STK3: variants seen among roughly 807,000 people sequenced by gnomAD.
STK3 encodes the protein serine/threonine-protein kinase 3.
In STK3, 41 loss-of-function variants were observed where a neutral mutation model predicts 58.0. The observed-to-expected ratio is 0.71, with a 90% confidence interval of 0.55 to 0.92. The LOEUF (loss-of-function observed/expected upper bound fraction) is 0.92, where lower values mean the gene tolerates loss of function less well. Among genes scored for constraint, STK3 ranks in the 40% least tolerant of loss-of-function variants. STK3 has a pLI of 0.00. For missense variants in STK3, 479 were observed against 602.7 expected (o/e 0.79, Z 2.15); for synonymous variants, 170 against 191.0 (o/e 0.89, Z 0.91).
chr8:98,893,462 GAAAGAAAGAAAGAA>G (rs1184712578), intron 1 of STK3, among the ~76,000 whole-genome samples: 8 of 89,864 alleles, frequency 8.9e-5, no homozygotes, highest in African/African-American at 4.1e-4. Context: ...AAGAAAGAAA[GAAAGAAAGAAAGAA>G]AGAAAGAAAG....
At chr8:98,717,641 C>T (rs1360079473) in intron 4 of STK3, among the ~76,000 whole-genome samples, 1 of 151,796 alleles carries the variant, frequency 6.6e-6, no homozygotes, top group Non-Finnish European at 1.5e-5. Flanking sequence ...ATAAAATTAC[C>T]TTTTGACCCA....
At chr8:98,779,494 A>C (rs1480066049) in intron 1 of STK3, among the ~76,000 whole-genome samples, 1 of 152,232 alleles carries the variant, frequency 6.6e-6, no homozygotes, top group Non-Finnish European at 1.5e-5. Context: ...CTGATGGTTC[A>C]ATGTATGCAA....
chr8:98,387,955 C>A (rs563736251), intron 1 of STK3, among the ~76,000 whole-genome samples: 2 of 149,724 alleles, frequency 1.3e-5, no homozygotes, highest in South Asian at 2.1e-4. Flanking sequence ...AAGACTATGG[C>A]AATCACAACA....
chr8:98,774,723 T>C lies in STK3; in HGVS notation c.107+16A>G, dbSNP rs764137039. On this transcript the variant is annotated intron_variant, in intron 2 of 10. Transcript: ENST00000419617. ...TTCTGAAATTATTTACATGCTTTCA[T>C]ACTTTTTGTACTTACCCTTCTCCAA... 1.3e-6 allele frequency: 2 copies of C among 1,535,366 alleles called. No homozygotes were observed. The highest frequency in any genetic ancestry group is 1.8e-6 in the Non-Finnish European group (2 of 1,137,500).
chr8:98,828,455 A>AAAAAAAAAAC (rs1564043615), upstream of STK3, among the ~76,000 whole-genome samples: 6 of 150,556 alleles, frequency 4.0e-5, no homozygotes, highest in African/African-American at 1.2e-4. Context: ...AAAAAAAAAA[A>AAAAAAAAAAC]AAAAAAAAAA....
intron 2 of STK3, among the ~76,000 whole-genome samples, chr8:98,377,845 G>C (rs896853191): frequency 4.7e-4 from 72 of 152,316 alleles, no homozygotes; most frequent in African/African-American, 1.6e-3. Flanking sequence ...AGGCTTTGCA[G>C]AATGTGGATA....
At chr8:98,770,196 T>A (rs1831212179) in intron 2 of STK3, among the ~76,000 whole-genome samples, 1 of 152,132 alleles carries the variant, frequency 6.6e-6, no homozygotes. Context: ...ATCTACCTCC[T>A]GAGGCAGTCA....
chr8:98,933,402 T>A (rs768965756), intron 1 of STK3, among the ~76,000 whole-genome samples: 31 of 152,248 alleles, frequency 2.0e-4, no homozygotes, highest in Non-Finnish European at 4.3e-4. Flanking sequence ...TGTGTGTAAA[T>A]CTGCACAAAT....
chr8:98,914,698 A>G (rs1450250451), intron 1 of STK3, among the ~76,000 whole-genome samples: 1 of 152,172 alleles, frequency 6.6e-6, no homozygotes. Flanking sequence ...TCAAAACAGG[A>G]TGGTGGAGCC....
intron 1 of STK3, among the ~76,000 whole-genome samples, chr8:98,902,049 A>C (rs944514335): frequency 6.6e-6 from 1 of 151,736 alleles, no homozygotes; most frequent in Non-Finnish European, 1.5e-5. Flanking sequence ...TTCTGGAAAC[A>C]CTCTATTCTC....
At chr8:98,383,153 T>G (rs1817755637) in intron 1 of STK3, among the ~76,000 whole-genome samples, 2 of 152,180 alleles carry the variant, frequency 1.3e-5, no homozygotes, top group Non-Finnish European at 2.9e-5. Context: ...CAGCAATAAC[T>G]GCCATTTGCT....
intron 10 of STK3, among the ~76,000 whole-genome samples, chr8:98,463,520 A>C (rs1312850562): frequency 1.3e-5 from 2 of 152,160 alleles, no homozygotes; most frequent in Admixed American, 1.3e-4. Context: ...GATAATTCTG[A>C]CATTTCAAAC....
intron 6 of STK3, among the ~76,000 whole-genome samples, chr8:98,611,295 T>C (rs966008127): frequency 1.3e-5 from 2 of 151,444 alleles, no homozygotes; most frequent in African/African-American, 4.9e-5. Context: ...ACAAAAAATA[T>C]ATGAAGAACA....
At chr8:98,573,161 A>T (rs1473001052) in intron 8 of STK3, among the ~76,000 whole-genome samples, 2 of 152,180 alleles carry the variant, frequency 1.3e-5, no homozygotes, top group Non-Finnish European at 2.9e-5. Flanking sequence ...AAGTTTCAGG[A>T]AGGTAAGGGA....
At chr8:98,765,606 C>T (rs977289725) in intron 3 of STK3, among the ~76,000 whole-genome samples, 3 of 152,162 alleles carry the variant, frequency 2.0e-5, no homozygotes, top group African/African-American at 7.2e-5. Flanking sequence ...AAGCCCCTTC[C>T]CTGCTTCTTC....
At chr8:98,686,191 C>T (rs1459857825) in intron 6 of STK3, among the ~76,000 whole-genome samples, 1 of 151,954 alleles carries the variant, frequency 6.6e-6, no homozygotes, top group Non-Finnish European at 1.5e-5. Context: ...CAAGTGGTAC[C>T]TGATAAGTGT....
intron 3 of STK3, among the ~76,000 whole-genome samples, chr8:98,878,192 A>G (rs947749328): frequency 7.9e-5 from 12 of 151,820 alleles, no homozygotes; most frequent in African/African-American, 2.9e-4. Flanking sequence ...AACTGGGATT[A>G]CAGGTGTGAG....
At chr8:98,747,335 C>T (rs1218840508) in intron 4 of STK3, among the ~76,000 whole-genome samples, 1 of 151,874 alleles carries the variant, frequency 6.6e-6, no homozygotes, top group East Asian at 1.9e-4. Flanking sequence ...AAAAAAACAA[C>T]AGACCATACA....
intron 4 of STK3, among the ~76,000 whole-genome samples, chr8:98,733,201 C>G (rs966231252): frequency 6.6e-6 from 1 of 152,168 alleles, no homozygotes; most frequent in Non-Finnish European, 1.5e-5. Context: ...AAAGATAAAA[C>G]AGTGAACGAA....
Sources: gnomAD v4.1 joint callset for allele counts (sites outside exome capture counted in the v4.1 genomes callset) on GRCh38, gnomAD v4.1.1 for gene constraint, MANE v1.5 for transcripts, NCBI Gene and HGNC (gene_info 2026-07-23, HGNC 2026-07-21) for gene names.